The following TNIP1 variants were observed in gnomAD, a reference collection of about 807,000 sequenced individuals.
The protein encoded by TNIP1 is TNFAIP3 interacting protein 1, also known as TNFAIP3-interacting protein 1.
TNIP1 carries 22 observed loss-of-function variants against 86.6 expected under a neutral mutation model. The ratio of observed to expected loss-of-function variants is 0.25; its 90% CI spans 0.18 to 0.36. TNIP1 has a LOEUF of 0.36. TNIP1 is among the 10% of genes least tolerant of loss of function. The pLI is 1.00. For synonymous variants in TNIP1, 294 were observed against 313.0 expected (o/e 0.94, Z 0.64); for missense variants, 709 against 820.6 (o/e 0.86, Z 1.66).
chr5:151,064,474 G>A (rs998747853), intron 2 of TNIP1, among the ~76,000 whole-genome samples: 1 of 152,176 alleles, frequency 6.6e-6, no homozygotes, highest in Non-Finnish European at 1.5e-5. Context: ...GTGGAGGGAG[G>A]TGGGGTTGTT....
At chr5:151,045,754 A>C (rs1480880601) in intron 9 of TNIP1, 107 bp downstream of exon 9, 1 of 1,121,586 alleles carries the variant, frequency 8.9e-7, no homozygotes, top group Non-Finnish European at 1.3e-6. Context: ...CCAACTCCTC[A>C]TGGTGACCTG....
intron 9 of TNIP1, among the ~76,000 whole-genome samples, chr5:151,045,443 C>A (rs1379643884): frequency 6.6e-6 from 1 of 152,190 alleles, no homozygotes; most frequent in Non-Finnish European, 1.5e-5. Flanking sequence ...AGCCTCCAGG[C>A]TAGTGGGAAG....
At chr5:151,070,177 G>T (rs1329887426) in intron 1 of TNIP1, among the ~76,000 whole-genome samples, 1 of 152,190 alleles carries the variant, frequency 6.6e-6, no homozygotes, top group African/African-American at 2.4e-5. Context: ...GAAATTAAAT[G>T]AAACAATATG....
chr5:151,062,410 C>CCTCT (rs1761695121), intron 3 of TNIP1, among the ~76,000 whole-genome samples, 198 bp from the exon 4 acceptor site: 1 of 152,194 alleles, frequency 6.6e-6, no homozygotes, highest in Non-Finnish European at 1.5e-5. Flanking sequence ...AGAGCCTGAG[C>CCTCT]AGAGAGACCA....
At position 151,042,589 on chromosome 5, in the gene TNIP1, T is replaced by A; in HGVS notation, c.1085A>T (p.Asp362Val). The A allele has an allele frequency of 6.2e-7, 1 of 1,613,840 alleles. No individual in the cohort carries two copies. Among genetic ancestry groups the A allele is most frequent in the East Asian group, 2.2e-5 (1 of 44,866 alleles). The change falls in exon 11 of 18, where the codon GAC (aspartate) becomes GTC (valine). Residue 362 changes from aspartate (D) to valine (V), a missense_variant. Transcript: ENST00000521591. ...GGCCAGGAGGAGCTTGCGGTCAAAG[T>A]CACGCTGCTTCTGCTCCCGCTCGGC... Reference protein sequence around the residue: ...LEAEREQKQRDFDRKLLLAKS... With the variant: ...LEAEREQKQRVFDRKLLLAKS...
intron 9 of TNIP1, among the ~76,000 whole-genome samples, chr5:151,043,710 G>A (rs1758754830): frequency 6.6e-6 from 1 of 152,032 alleles, no homozygotes; most frequent in Admixed American, 6.5e-5. Context: ...AGGAGGTGGA[G>A]GCTGCAGTAA....
intron 1 of TNIP1, among the ~76,000 whole-genome samples, chr5:151,073,473 A>G (rs996711015): frequency 8.5e-5 from 13 of 152,200 alleles, no homozygotes; most frequent in Non-Finnish European, 1.8e-4. Context: ...ACAGCCATCA[A>G]AAAGAATGGG....
At chr5:151,050,714 G>A (rs1759807315) in intron 7 of TNIP1, among the ~76,000 whole-genome samples, 1 of 151,970 alleles carries the variant, frequency 6.6e-6, no homozygotes, top group African/African-American at 2.4e-5. Context: ...GCTCACCACA[G>A]CCTCGACTGC....
intron 9 of TNIP1, among the ~76,000 whole-genome samples, 182 bp downstream of exon 9, chr5:151,045,677 AAG>A (rs1759062027): frequency 1.3e-5 from 2 of 152,192 alleles, no homozygotes; most frequent in African/African-American, 4.8e-5. Context: ...GGGACTGATC[AAG>A]AGAGGACAGT....
intron 1 of TNIP1, among the ~76,000 whole-genome samples, 163 bp downstream of exon 1, chr5:151,080,717 C>G (rs1278872194): frequency 6.6e-6 from 1 of 152,218 alleles, no homozygotes; most frequent in Non-Finnish European, 1.5e-5. Context: ...AGCGGCTCAG[C>G]CCGGCTTGGC....
intron 9 of TNIP1, among the ~76,000 whole-genome samples, chr5:151,043,997 T>TA (rs917022502): frequency 6.6e-6 from 1 of 151,904 alleles, no homozygotes; most frequent in African/African-American, 2.4e-5. Flanking sequence ...TTGCATATGA[T>TA]AAAAAAAATT....
intron 4 of TNIP1, 95 bp downstream of exon 4, chr5:151,062,032 T>C: frequency 3.4e-6 from 4 of 1,171,632 alleles, no homozygotes; most frequent in Non-Finnish European, 4.9e-6. Context: ...CACAGTTTCT[T>C]GACCTCAACC....
chr5:151,059,879 G>GCA (rs1561514219), intron 5 of TNIP1, among the ~76,000 whole-genome samples: 1 of 121,876 alleles, frequency 8.2e-6, no homozygotes, highest in African/African-American at 3.6e-5. Flanking sequence ...GCGCGCGCGC[G>GCA]CGCATGCGTG....
At chr5:151,057,356 C>A (rs1760803512) in intron 5 of TNIP1, among the ~76,000 whole-genome samples, 1 of 152,224 alleles carries the variant, frequency 6.6e-6, no homozygotes, top group South Asian at 2.1e-4. Flanking sequence ...AAAGGGACAT[C>A]ACTGCACAGT....
chr5:151,076,316 AT>A (rs1332870613), intron 1 of TNIP1, among the ~76,000 whole-genome samples: 1 of 152,100 alleles, frequency 6.6e-6, no homozygotes, highest in Non-Finnish European at 1.5e-5. Flanking sequence ...ACGGCCAGGG[AT>A]AGGAGGGGCA....
rs1166377351 is a variant in TNIP1, at chr5:151,049,881, C to T, written c.789G>A (p.Arg263=). 6.2e-7 allele frequency: 1 copy of T among 1,614,222 alleles called. No individual in the cohort carries two copies. Among genetic ancestry groups the T allele is most frequent in the South Asian group, 1.1e-5 (1 of 91,084 alleles). ...SNGNKEGASG[R]PGSPKMEGTG... ...TCCCTTCCATCTTCGGTGAGCCTGG[C>T]CGCCCAGACGCACCCTCTTTGTTGC... Residue 263 remains arginine, a synonymous_variant, in exon 8 of 18, where the codon CGG becomes CGA. Transcript: ENST00000521591.
Position 151,036,780 on chromosome 5 carries a change from G to A in TNIP1, c.1395+10C>T, listed in dbSNP as rs755105690. On this transcript the variant is annotated intron_variant, in intron 13 of 17. Coordinates refer to ENST00000521591, the MANE Select transcript of TNIP1 (RefSeq NM_006058.5). ...GCACCTCCCACCTGATTTCCTCCCG[G>A]AAGCCTCACCTGCTGTTTCAGCAAC... 18 of 1,613,890 alleles carry A rather than the reference G, an allele frequency of 1.1e-5. No homozygotes were observed. In the East Asian group the frequency reaches 1.6e-4, roughly 14 times the overall value.
chr5:151,032,156 T>C, intron 17 of TNIP1, 131 bp downstream of exon 17: 4 of 724,226 alleles, frequency 5.5e-6, no homozygotes, highest in Non-Finnish European at 9.1e-6. Context: ...CATTCAACAC[T>C]GTTTTGGAAA....
upstream of TNIP1, among the ~76,000 whole-genome samples, chr5:151,085,178 G>A (rs746322598): frequency 1.1e-4 from 17 of 152,188 alleles, no homozygotes; most frequent in Non-Finnish European, 1.9e-4. Flanking sequence ...TGTGGGTTCT[G>A]GCCTCTGGGC....
Sources: gnomAD v4.1 joint callset for allele counts (sites outside exome capture counted in the v4.1 genomes callset) on GRCh38, gnomAD v4.1.1 for gene constraint, MANE v1.5 for transcripts, NCBI Gene and HGNC (gene_info 2026-07-23, HGNC 2026-07-21) for gene names.